The following CSMD1 variants were observed in gnomAD, a reference collection of about 807,000 sequenced individuals.
The protein encoded by CSMD1 is CUB and Sushi multiple domains 1.
A neutral mutation model predicts 417.5 loss-of-function variants in CSMD1; 213 were observed. The observed-to-expected ratio is 0.51, with a 90% CI of 0.46 to 0.57. The LOEUF is 0.57. Ranked by LOEUF, CSMD1 falls within the 20% of genes least tolerant of loss-of-function variation. The pLI is 0.00. For synonymous variants in CSMD1, 2,862 were observed against 1,736.8 expected (o/e 1.65, Z -16.11); for missense variants, 6,923 against 4,529.7 (o/e 1.53, Z -15.17).
At chr8:3,357,836 G>T (rs1479355155) in intron 21 of CSMD1, among the ~76,000 whole-genome samples, 1 of 152,054 alleles carries the variant, frequency 6.6e-6, no homozygotes, top group Non-Finnish European at 1.5e-5. Context: ...ACCACAAACA[G>T]TAAGAACCAT....
intron 7 of CSMD1, among the ~76,000 whole-genome samples, chr8:3,675,098 G>A (rs1799303408): frequency 6.6e-6 from 1 of 152,132 alleles, no homozygotes; most frequent in Non-Finnish European, 1.5e-5. Context: ...ACGCCATCTT[G>A]AAGAGATGCA....
At chr8:3,558,100 A>G (rs1216544514) in intron 10 of CSMD1, among the ~76,000 whole-genome samples, 3 of 150,310 alleles carry the variant, frequency 2.0e-5, no homozygotes, top group African/African-American at 4.9e-5. Flanking sequence ...CGACTCCTCC[A>G]ATGATGAATG....
intron 42 of CSMD1, among the ~76,000 whole-genome samples, chr8:3,113,603 C>A (rs1050203600): frequency 1.3e-5 from 2 of 152,228 alleles, no homozygotes; most frequent in Non-Finnish European, 2.9e-5. Context: ...TGGCTTCCCC[C>A]ACAACGCCAC....
At chr8:4,789,305 AC>A (rs1797570776) in intron 1 of CSMD1, among the ~76,000 whole-genome samples, 1 of 152,196 alleles carries the variant, frequency 6.6e-6, no homozygotes, top group Non-Finnish European at 1.5e-5. Context: ...CATGCACAAC[AC>A]CATCTGTGGT....
At chr8:3,893,306 A>G (rs1178319759) in intron 5 of CSMD1, among the ~76,000 whole-genome samples, 1 of 126,714 alleles carries the variant, frequency 7.9e-6, no homozygotes, top group Non-Finnish European at 1.7e-5. Flanking sequence ...GTAAAGAAAA[A>G]TTTTATGTCC....
Position 3,058,325 on chromosome 8 carries a change from T to C in CSMD1, c.7475-5678A>G, listed in dbSNP as rs567538941. 2.0e-5 allele frequency among the ~76,000 whole-genome samples: 3 copies of C among 152,322 alleles called. No individual in the cohort carries two copies. In the South Asian group the frequency reaches 6.2e-4, roughly 32 times the overall value. On this transcript the variant is annotated intron_variant, in intron 49 of 69. Coordinates refer to ENST00000635120, the MANE Select transcript of CSMD1 (RefSeq NM_033225.6). The stretch of plus-strand genomic sequence containing the variant: ...TAAATATCAATGCTGCTTCAACAGA[T>C]CTGTGCATTCTGAGGCCCATGAAAC...
chr8:3,478,926 C>A (rs779336163), intron 11 of CSMD1, among the ~76,000 whole-genome samples: 14 of 152,032 alleles, frequency 9.2e-5, no homozygotes, highest in Admixed American at 3.3e-4. Context: ...CCAGACACAG[C>A]GGTAGAGTGG....
intron 11 of CSMD1, 31 bp from the exon 12 acceptor site, chr8:3,468,855 G>A (rs371381065): frequency 2.5e-5 from 37 of 1,454,770 alleles, no homozygotes; most frequent in Non-Finnish European, 3.4e-5. Flanking sequence ...AAAGCTTTTA[G>A]GTAAGGCAAC....
At chr8:3,939,537 C>T (rs1039833537) in intron 5 of CSMD1, among the ~76,000 whole-genome samples, 3 of 152,060 alleles carry the variant, frequency 2.0e-5, no homozygotes, top group African/African-American at 7.2e-5. Flanking sequence ...AAGGAAAAGA[C>T]GTCATCATAT....
chr8:4,392,656 A>G (rs1266285130), intron 3 of CSMD1, among the ~76,000 whole-genome samples: 4 of 150,618 alleles, frequency 2.7e-5, no homozygotes, highest in African/African-American at 7.4e-5. Context: ...GGTTATTATT[A>G]TTATTATTAT....
intron 4 of CSMD1, among the ~76,000 whole-genome samples, chr8:3,999,638 T>G (rs1398055834): frequency 1.3e-5 from 2 of 152,232 alleles, no homozygotes; most frequent in African/African-American, 4.8e-5. Context: ...GAGTATTGCA[T>G]TTCCCATCCT....
At chr8:4,111,149 T>C (rs537704074) in intron 3 of CSMD1, among the ~76,000 whole-genome samples, 2 of 152,310 alleles carry the variant, frequency 1.3e-5, no homozygotes, top group African/African-American at 2.4e-5. Context: ...TACACTCTAA[T>C]GATTTCGGAC....
chr8:4,425,044 A>G (rs939248226), intron 2 of CSMD1, among the ~76,000 whole-genome samples: 2 of 152,144 alleles, frequency 1.3e-5, no homozygotes, highest in Non-Finnish European at 2.9e-5. Context: ...AACAAAAACT[A>G]TTGAGGATAA....
intron 3 of CSMD1, among the ~76,000 whole-genome samples, chr8:4,283,916 G>C (rs1313439930): frequency 1.3e-5 from 2 of 152,130 alleles, no homozygotes; most frequent in African/African-American, 4.8e-5. Context: ...TAGAATGTTT[G>C]CAAATCTGGA....
In CSMD1 at chr8:4,272,428, A is replaced by G. The variant is rs542993948; in HGVS notation, c.415+147525T>C. Among the ~76,000 whole-genome samples the G allele has an allele frequency of 5.3e-4, 81 of 152,322 alleles. No homozygotes were observed. In the South Asian group the frequency reaches 0.016, roughly 30 times the overall value. On this transcript the variant is annotated intron_variant, in intron 3 of 69. Coordinates refer to ENST00000635120, the MANE Select transcript of CSMD1 (RefSeq NM_033225.6). ...CAATGAGGATTACATATATCATACT[A>G]CATAGGAAAAACTATCTAAAACCAG... is the stretch of plus-strand genomic sequence containing the variant.
chr8:3,260,988 G>GAAC (rs760923162), intron 26 of CSMD1, among the ~76,000 whole-genome samples: 25 of 151,186 alleles, frequency 1.7e-4, no homozygotes, highest in Non-Finnish European at 2.8e-4. Flanking sequence ...ATGGGAAAAG[G>GAAC]AACAACAACA....
At chr8:4,984,322 G>T (rs1159719708) in intron 1 of CSMD1, among the ~76,000 whole-genome samples, 1 of 152,228 alleles carries the variant, frequency 6.6e-6, no homozygotes, top group East Asian at 1.9e-4. Flanking sequence ...GTAGAAAGGA[G>T]CAAGGCCTAA....
At chr8:4,359,895 CT>C (rs1801654039) in intron 3 of CSMD1, among the ~76,000 whole-genome samples, 1 of 152,190 alleles carries the variant, frequency 6.6e-6, no homozygotes, top group South Asian at 2.1e-4. Context: ...CAGCCCCTAC[CT>C]TTTAACCACA....
chr8:3,829,132 A>G (rs1802227186), intron 5 of CSMD1, among the ~76,000 whole-genome samples: 1 of 152,094 alleles, frequency 6.6e-6, no homozygotes, highest in African/African-American at 2.4e-5. Context: ...CCCATCACCC[A>G]AGCAGTGTAC....
Sources: gnomAD v4.1 joint callset for allele counts (sites outside exome capture counted in the v4.1 genomes callset) on GRCh38, gnomAD v4.1.1 for gene constraint, MANE v1.5 for transcripts, NCBI Gene and HGNC (gene_info 2026-07-23, HGNC 2026-07-21) for gene names.